SFI1: variants seen among roughly 807,000 people sequenced by gnomAD.
The protein encoded by SFI1 is protein SFI1 homolog.
SFI1 carries 195 observed loss-of-function variants against 207.5 expected under a neutral mutation model. The ratio of observed to expected loss-of-function variants is 0.94; its 90% confidence interval spans 0.84 to 1.06. The LOEUF is 1.06. SFI1 is among the 50% of genes least tolerant of loss of function. SFI1 has a pLI of 0.00. For missense variants in SFI1, 1,634 were observed against 1,588.0 expected (o/e 1.03, Z -0.49); for synonymous variants, 630 against 598.9 (o/e 1.05, Z -0.76).
At chr22:31,574,279 C>T (rs2063251778) in intron 9 of SFI1, among the ~76,000 whole-genome samples, 1 of 152,174 alleles carries the variant, frequency 6.6e-6, no homozygotes, top group Admixed American at 6.5e-5. Flanking sequence ...TGACCCCAGA[C>T]CAACAGTCCA....
At chr22:31,520,863 G>A (rs963437010) in intron 2 of SFI1, among the ~76,000 whole-genome samples, 3 of 151,342 alleles carry the variant, frequency 2.0e-5, no homozygotes, top group African/African-American at 7.3e-5. Flanking sequence ...AAATAGCCAG[G>A]TGTGGTAGTG....
In SFI1 at chr22:31,529,066, A is replaced by T. The variant is rs1270411136; in HGVS notation, c.266+203A>T. ...TGTCATTGAGTGTTTTCATTTCTCCACTTGTGCCTCACAATATGACGCTAT... is the reference window on the plus strand; with the variant it reads ...TGTCATTGAGTGTTTTCATTTCTCCTCTTGTGCCTCACAATATGACGCTAT... On this transcript the variant is annotated intron_variant, in intron 3 of 32. Transcript: ENST00000400288. The T allele has an allele frequency of 7.7e-5, 39 of 503,344 alleles. 1 individual carries two copies. In the Admixed American group the frequency reaches 1.3e-3, roughly 16 times the overall value. 31.2% of individuals were successfully genotyped at this position (503,344 alleles called of 1,614,324 possible).
chr22:31,526,505 G>T (rs1266578737), intron 2 of SFI1, among the ~76,000 whole-genome samples: 1 of 152,164 alleles, frequency 6.6e-6, no homozygotes, highest in African/African-American at 2.4e-5. Context: ...TGGGGATTAT[G>T]GGAGCTACAA....
In SFI1 at chr22:31,602,618, C is replaced by G. The variant is rs375948975; in HGVS notation, c.1638C>G (p.His546Gln). The change falls in exon 17 of 33, where the codon CAC becomes CAG. Residue 546 changes from histidine (H) to glutamine (Q), a missense_variant. His to Gln is a conservative substitution (Grantham distance 24). Coordinates refer to ENST00000400288, the MANE Select transcript of SFI1 (RefSeq NM_001007467.3). ...CTGTCCTGCCTCAGGCCATCCTTCA[C>G]GCAGAGCGACAGCTTCTGTATAGGT... ...NRLAERMAIL[H>Q]AERQLLYRSW... is the part of the protein sequence containing the mutation. 2 of 1,614,022 alleles carry G rather than the reference C, an allele frequency of 1.2e-6. No homozygotes were observed. The highest frequency in any genetic ancestry group is 1.3e-5 in the African/African-American group (1 of 74,900).
rs1177937063 is a variant in SFI1, at chr22:31,546,883, C to G, written c.361C>G (p.Leu121Val). 2 of 1,610,424 alleles carry G rather than the reference C, an allele frequency of 1.2e-6. No homozygotes were observed. The highest frequency in any genetic ancestry group is 1.7e-6 in the Non-Finnish European group (2 of 1,178,264). The change falls in exon 5 of 33, where the codon CTA becomes GTA. Residue 121 changes from leucine to valine, a missense_variant. By Grantham distance (32) the Leu-to-Val change is conservative. Transcript: ENST00000400288. ...KARFYYEQRL[L>V]RKVFEEWKEE... is the part of the protein sequence containing the mutation. ...TAGATTTTACTATGAGCAGCGATTA[C>G]TACGGAAGGTCTTCGAAGAATGGAA...
At chr22:31,584,780 C>T (rs1382600247) in intron 13 of SFI1, among the ~76,000 whole-genome samples, 2 of 152,006 alleles carry the variant, frequency 1.3e-5, no homozygotes, top group African/African-American at 4.8e-5. Context: ...TTCAGGATAT[C>T]TAGGGGATTT....
chr22:31,557,026 C>T lies in SFI1; in HGVS notation c.629C>T (p.Thr210Ile), dbSNP rs1213741487. 1 of 1,611,322 alleles carries T rather than the reference C, an allele frequency of 6.2e-7. No homozygotes were observed. The highest frequency in any genetic ancestry group is 8.5e-7 in the Non-Finnish European group (1 of 1,178,202). Reference sequence around the variant, plus strand: ...AGGACCAAACTTCAGATGCAGACTACAGCTCTGGAGTTTAGGCAACGGATT... The same window carrying T: ...AGGACCAAACTTCAGATGCAGACTATAGCTCTGGAGTTTAGGCAACGGATT... ...VRRTKLQMQTTALEFRQRIIL... is the reference protein window; with the variant it reads ...VRRTKLQMQTIALEFRQRIIL... Residue 210 changes from threonine to isoleucine, a missense_variant, in exon 7 of 33, where the codon ACA becomes ATA. Transcript: ENST00000400288.
At chr22:31,516,630 C>T (rs1394828558) in intron 2 of SFI1, among the ~76,000 whole-genome samples, 1 of 151,962 alleles carries the variant, frequency 6.6e-6, no homozygotes, top group Admixed American at 6.6e-5. Flanking sequence ...ACCAGCCTGG[C>T]CAACATGGCG....
chr22:31,600,600 G>A (rs1006254267), intron 15 of SFI1, among the ~76,000 whole-genome samples: 1 of 152,106 alleles, frequency 6.6e-6, no homozygotes, highest in Non-Finnish European at 1.5e-5. Flanking sequence ...CTCCTTTCTA[G>A]TACCCTGACC....
intron 4 of SFI1, among the ~76,000 whole-genome samples, chr22:31,546,520 G>A (rs1343553970): frequency 6.6e-6 from 1 of 151,854 alleles, no homozygotes; most frequent in Non-Finnish European, 1.5e-5. Flanking sequence ...TAGTAGAGAT[G>A]CGGTTTCACC....
In SFI1 at chr22:31,593,731, C is replaced by T. The variant is rs1274388577; in HGVS notation, c.1544+4154C>T. Among the ~76,000 whole-genome samples, 7 of 150,316 alleles carry T rather than the reference C, an allele frequency of 4.7e-5. No homozygotes were observed. In the South Asian group the frequency reaches 8.6e-4, roughly 18 times the overall value. On this transcript the variant is annotated intron_variant, in intron 15 of 32. Coordinates refer to ENST00000400288, the MANE Select transcript of SFI1 (RefSeq NM_001007467.3). ...ATTGAGCACTGAGTGAACGAGACTC[C>T]GTCTGCAATCCTGGCACCTCGGGAG...
rs1569167092 is a variant in SFI1, at chr22:31,508,283, T to A, written c.-2T>A. 1.2e-6 allele frequency: 2 copies of A among 1,604,394 alleles called. No individual in the cohort carries two copies. The highest frequency in any genetic ancestry group is 1.7e-6 in the Non-Finnish European group (2 of 1,171,654). ...GAAGGGGAAGATAAAAGACTTTGAT[T>A]CATGAAGAATCTGCTCACTGAGAAG... On this transcript the variant is annotated 5_prime_UTR_variant, in exon 2 of 33. Coordinates refer to ENST00000400288, the MANE Select transcript of SFI1 (RefSeq NM_001007467.3).
At chr22:31,564,836 C>T (rs1044768828) in intron 8 of SFI1, among the ~76,000 whole-genome samples, 26 of 53,670 alleles carry the variant, frequency 4.8e-4, no homozygotes, top group African/African-American at 2.8e-3. Flanking sequence ...TTTTTTGAGA[C>T]GGAGTCTTGC....
chr22:31,528,987 G>A (rs765102119), intron 3 of SFI1, 124 bp downstream of exon 3: 138 of 927,690 alleles, frequency 1.5e-4, no homozygotes, highest in Non-Finnish European at 1.9e-4. Flanking sequence ...GCCTGTTCTT[G>A]GTAGTAGAAT....
rs1376714641 is a variant in SFI1 at position 31,604,904 on chromosome 22, G to A, written c.2013G>A (p.Glu671=). The A allele has an allele frequency of 1.2e-6, 2 of 1,611,852 alleles. No individual in the cohort carries two copies. The highest frequency in any genetic ancestry group is 2.2e-5 in the South Asian group (2 of 90,872). The change falls in exon 20 of 33, where the codon GAG becomes GAA. Residue 671 remains glutamate, a synonymous_variant. Transcript: ENST00000400288. ...YQGRVRSILR[E]VAARESQHNR... is the part of the protein sequence containing the mutation. ...GCAGGGTGCGAAGCATCCTCCGGGA[G>A]GTGGCAGCCAGGGAGAGCCAGCACA...
intron 15 of SFI1, among the ~76,000 whole-genome samples, chr22:31,598,903 C>T (rs1308484093): frequency 2.0e-5 from 3 of 148,210 alleles, no homozygotes; most frequent in Non-Finnish European, 4.5e-5. Context: ...AAGCAACTCT[C>T]CTGCCTCAGC....
chr22:31,592,944 G>A (rs1254256085), intron 15 of SFI1, among the ~76,000 whole-genome samples: 3 of 109,498 alleles, frequency 2.7e-5, no homozygotes, highest in South Asian at 3.0e-4. Flanking sequence ...GGGCAGAGGC[G>A]CCCCTCACCT....
chr22:31,542,033 G>A (rs532242476), intron 4 of SFI1, among the ~76,000 whole-genome samples: 15 of 145,668 alleles, frequency 1.0e-4, no homozygotes, highest in African/African-American at 3.6e-4. Flanking sequence ...CCTGGGAGGC[G>A]GAGCTTGCAG....
At position 31,615,190 on chromosome 22, in the gene SFI1, A is replaced by C; in HGVS notation, c.3211A>C (p.Lys1071Gln). Residue 1071 changes from lysine to glutamine, a missense_variant, in exon 29 of 33, where the codon AAG becomes CAG. Physicochemically the swap from Lys to Gln is moderately conservative, Grantham distance 53. Coordinates refer to ENST00000400288, the MANE Select transcript of SFI1 (RefSeq NM_001007467.3). Reference sequence around the variant, plus strand: ...GGCCCTGTCAAGCGCCCCTGGCCCGAAGCAGCCCCCGACGGCAAGCACAGG... The same window carrying C: ...GGCCCTGTCAAGCGCCCCTGGCCCGCAGCAGCCCCCGACGGCAAGCACAGG... ...PGALSSAPGP[K>Q]QPPTASTGPE... The C allele has an allele frequency of 6.3e-7, 1 of 1,590,998 alleles. No individual in the cohort carries two copies. Among genetic ancestry groups the C allele is most frequent in the East Asian group, 2.2e-5 (1 of 44,660 alleles).
Sources: allele counts gnomAD v4.1 joint callset (sites outside exome capture counted in the v4.1 genomes callset), GRCh38; gene constraint gnomAD v4.1.1; transcripts MANE v1.5; gene names NCBI Gene and HGNC (gene_info 2026-07-23, HGNC 2026-07-21).